Variants in SNCAIP observed in about 807,000 individuals in gnomAD.
The protein encoded by SNCAIP is synuclein alpha interacting protein.
A neutral mutation model predicts 86.7 loss-of-function variants in SNCAIP; 43 were observed. The observed-to-expected ratio is 0.50, with a 90% CI of 0.39 to 0.64. SNCAIP has a LOEUF of 0.64. SNCAIP is among the 30% of genes least tolerant of loss of function. The pLI, the probability that SNCAIP is intolerant of heterozygous loss-of-function variation, is 0.00. For missense variants in SNCAIP, 981 were observed against 1,103.1 expected (o/e 0.89, Z 1.57); for synonymous variants, 417 against 427.2 (o/e 0.98, Z 0.29).
chr5:122,375,402 TTG>T (rs1444778651), intron 1 of SNCAIP, among the ~76,000 whole-genome samples: 1 of 152,066 alleles, frequency 6.6e-6, no homozygotes, highest in Non-Finnish European at 1.5e-5. Flanking sequence ...CAGTGAGAAA[TTG>T]TTTTCAGTGT....
chr5:122,330,863 A>G (rs1326624754), intron 1 of SNCAIP, among the ~76,000 whole-genome samples: 1 of 151,942 alleles, frequency 6.6e-6, no homozygotes. Context: ...ATCATAATGT[A>G]GAGTCAGTGG....
At chr5:122,353,219 T>G (rs941414939) in intron 1 of SNCAIP, among the ~76,000 whole-genome samples, 1 of 152,084 alleles carries the variant, frequency 6.6e-6, no homozygotes, top group Non-Finnish European at 1.5e-5. Flanking sequence ...GCAGCACAAG[T>G]GTACATACCA....
intron 1 of SNCAIP, among the ~76,000 whole-genome samples, chr5:122,360,442 A>G (rs539895064): frequency 2.1e-3 from 313 of 152,296 alleles, no homozygotes; most frequent in African/African-American, 6.5e-3. Flanking sequence ...CTGAAAACCA[A>G]TGGTTCTGAC....
At chr5:122,457,615 C>T (rs565992114) in intron 10 of SNCAIP, among the ~76,000 whole-genome samples, 74 of 152,110 alleles carry the variant, frequency 4.9e-4, no homozygotes, top group African/African-American at 1.5e-3. Context: ...CTCTCTCTCA[C>T]TCTCTCTCTC....
rs576214353 is a variant in SNCAIP at position 122,382,543 on chromosome 5, C to T, written c.-46-8546C>T. ...CGTCTGAAGCCTTCTTCTCTCACCTCGTCAAAGTCATTCTCCATCCAGCTT... is the reference window on the plus strand; with the variant it reads ...CGTCTGAAGCCTTCTTCTCTCACCTTGTCAAAGTCATTCTCCATCCAGCTT... On this transcript the variant is annotated intron_variant, in intron 1 of 10. Coordinates refer to ENST00000261368, the MANE Select transcript of SNCAIP (RefSeq NM_005460.4). 4.2e-3 allele frequency among the ~76,000 whole-genome samples: 646 copies of T among 152,332 alleles called. 4 individuals are homozygous for T. Among genetic ancestry groups the T allele is most frequent in the African/African-American group, 0.014 (591 of 41,564 alleles).
intron 3 of SNCAIP, among the ~76,000 whole-genome samples, chr5:122,406,340 T>G (rs917729322): frequency 1.3e-5 from 2 of 152,198 alleles, no homozygotes; most frequent in Non-Finnish European, 2.9e-5. Flanking sequence ...TTCTATCTTT[T>G]CAAACAGACG....
intron 1 of SNCAIP, among the ~76,000 whole-genome samples, chr5:122,366,089 A>G (rs1323656733): frequency 1.3e-5 from 2 of 152,230 alleles, no homozygotes; most frequent in East Asian, 1.9e-4. Context: ...TAAATATTTT[A>G]TACAGAGGAA....
chr5:122,411,639 T>G (rs1774148883), intron 3 of SNCAIP, among the ~76,000 whole-genome samples: 1 of 152,150 alleles, frequency 6.6e-6, no homozygotes, highest in Non-Finnish European at 1.5e-5. Flanking sequence ...AAGGGTCCTC[T>G]TGCATAAGTC....
rs6879671 is a variant in SNCAIP at position 122,330,780 on chromosome 5, G to T, written c.-47+18496G>T. ...GGGATAGTTTCAGGATGATTCAAGC[G>T]CATTACGTTTATTGTACACTTTATT... On this transcript the variant is annotated intron_variant, in intron 1 of 10. Transcript: ENST00000261368. Among the ~76,000 whole-genome samples, 373 of 152,070 alleles carry T rather than the reference G, an allele frequency of 2.5e-3. 5 individuals are homozygous for T. Among genetic ancestry groups the T allele is most frequent in the African/African-American group, 8.6e-3 (357 of 41,474 alleles).
chr5:122,400,972 T>G (rs1771684938), intron 2 of SNCAIP: 1 of 1,540,378 alleles, frequency 6.5e-7, no homozygotes, highest in Non-Finnish European at 8.7e-7. Flanking sequence ...CCCTCTTCAC[T>G]CTTCTCACCC....
chr5:122,446,054 A>G lies in SNCAIP; in HGVS notation c.1592+1322A>G, dbSNP rs182947389. Among the ~76,000 whole-genome samples the G allele has an allele frequency of 2.0e-3, 304 of 152,288 alleles. 2 individuals carry two copies. Among genetic ancestry groups the G allele is most frequent in the African/African-American group, 7.0e-3 (291 of 41,568 alleles). On this transcript the variant is annotated intron_variant, in intron 8 of 10. Transcript: ENST00000261368. ...TGCCTAGTTACACAAAACTTCCCCA[A>G]GTTAGGTGAGCTAGGTAAACTTCAA...
At chr5:122,367,107 G>A (rs1763340301) in intron 1 of SNCAIP, among the ~76,000 whole-genome samples, 1 of 151,974 alleles carries the variant, frequency 6.6e-6, no homozygotes, top group Non-Finnish European at 1.5e-5. Flanking sequence ...TGTCAAGTAA[G>A]GTTAAGTTTG....
chr5:122,463,344 G>A, intron 10 of SNCAIP, 147 bp from the exon 11 acceptor site: 1 of 636,122 alleles, frequency 1.6e-6, no homozygotes, highest in South Asian at 1.9e-5. Context: ...CATGAAAAGA[G>A]AATAATTTGC....
At chr5:122,442,048 C>T (rs1469327466) in intron 7 of SNCAIP, among the ~76,000 whole-genome samples, 1 of 148,772 alleles carries the variant, frequency 6.7e-6, no homozygotes, top group Admixed American at 6.7e-5. Flanking sequence ...CAAGTTCATA[C>T]GGTTCAAAAT....
intron 5 of SNCAIP, among the ~76,000 whole-genome samples, chr5:122,426,289 T>C (rs1777353414): frequency 6.6e-6 from 1 of 152,250 alleles, no homozygotes; most frequent in African/African-American, 2.4e-5. Context: ...TATTTTTGCA[T>C]ATGTGCTTTG....
intron 5 of SNCAIP, among the ~76,000 whole-genome samples, chr5:122,427,385 T>C (rs904296705): frequency 8.5e-5 from 13 of 152,086 alleles, no homozygotes; most frequent in Non-Finnish European, 1.3e-4. Flanking sequence ...TGTTTTTTTT[T>C]TTTTCATTTT....
intron 8 of SNCAIP, among the ~76,000 whole-genome samples, chr5:122,448,740 T>TAC (rs1228270938): frequency 2.9e-4 from 42 of 142,428 alleles, no homozygotes; most frequent in African/African-American, 8.0e-4. Context: ...TATATATATA[T>TAC]ACACACACAC....
rs372022750 is a variant in SNCAIP, at chr5:122,423,688, A to G, written c.951A>G (p.Lys317=). Reference sequence around the variant, plus strand: ...CAGAAGAAAGGAGTGAGTATCTGAAAAAAGTGAAAAGCATCTTGAACATTG... The same window carrying G: ...CAGAAGAAAGGAGTGAGTATCTGAAGAAAGTGAAAAGCATCTTGAACATTG... ...QGPEERSEYL[K]KVKSILNIVK... is the part of the protein sequence containing the mutation. The change falls in exon 4 of 11, where the codon AAA becomes AAG. Residue 317 remains lysine (K), a synonymous_variant. Coordinates refer to ENST00000261368, the MANE Select transcript of SNCAIP (RefSeq NM_005460.4). The G allele has an allele frequency of 8.1e-6, 13 of 1,606,538 alleles. No homozygotes were observed. The African/African-American group carries it at 1.7e-4, about 21-fold the overall frequency.
In SNCAIP at chr5:122,371,098, G is replaced by A. The variant is rs1446653828; in HGVS notation, c.-46-19991G>A. Among the ~76,000 whole-genome samples, 5 of 152,168 alleles carry A rather than the reference G, an allele frequency of 3.3e-5. 1 individual carries two copies. In the South Asian group the frequency reaches 1.0e-3, roughly 32 times the overall value. ...GGAGGCTGAGGCAGGAGGATCACTTGAGACCAGGAGTTTGAGACCAGCCGG... is the reference window on the plus strand; with the variant it reads ...GGAGGCTGAGGCAGGAGGATCACTTAAGACCAGGAGTTTGAGACCAGCCGG... On this transcript the variant is annotated intron_variant, in intron 1 of 10. Transcript: ENST00000261368.
Sources: allele counts gnomAD v4.1 joint callset (sites outside exome capture counted in the v4.1 genomes callset), GRCh38; gene constraint gnomAD v4.1.1; transcripts MANE v1.5; gene names NCBI Gene and HGNC (gene_info 2026-07-23, HGNC 2026-07-21).